The following MTUS1 variants were observed in gnomAD, a reference collection of about 807,000 sequenced individuals.
MTUS1 encodes microtubule associated scaffold protein 1.
MTUS1 carries 109 observed loss-of-function variants against 120.8 expected under a neutral mutation model. The ratio of observed to expected loss-of-function variants is 0.90; its 90% CI spans 0.77 to 1.06. The LOEUF (loss-of-function observed/expected upper bound fraction) is 1.06, where lower values mean the gene tolerates loss of function less well. Ranked by LOEUF, MTUS1 falls within the 50% of genes least tolerant of loss-of-function variation. The pLI, the probability that MTUS1 is intolerant of heterozygous loss-of-function variation, is 0.00. For synonymous variants in MTUS1, 737 were observed against 550.5 expected (o/e 1.34, Z -4.74); for missense variants, 2,210 against 1,486.3 (o/e 1.49, Z -8.01).
intron 6 of MTUS1, among the ~76,000 whole-genome samples, chr8:17,712,450 C>T (rs1393820990): frequency 2.6e-5 from 4 of 152,022 alleles, no homozygotes; most frequent in African/African-American, 9.7e-5. Context: ...AATTATCCTG[C>T]CTCAGCCTCC....
intron 6 of MTUS1, chr8:17,697,635 A>G (rs1818249887): frequency 1.6e-6 from 2 of 1,217,824 alleles, no homozygotes; most frequent in East Asian, 4.0e-5. Context: ...TCCCTCCTGC[A>G]GGTCTAGAAG....
At chr8:17,785,894 C>T (rs915100512) in intron 1 of MTUS1, among the ~76,000 whole-genome samples, 2 of 152,196 alleles carry the variant, frequency 1.3e-5, no homozygotes, top group African/African-American at 4.8e-5. Flanking sequence ...CCTGTAATCA[C>T]GGCACTTTGG....
At chr8:17,801,421 G>T (rs992009583), upstream of MTUS1, 3 of 151,906 alleles carry the variant, frequency 2.0e-5, no homozygotes, top group Non-Finnish European at 4.4e-5. Context: ...CGTCCCAGGG[G>T]ACGGCCCTCG....
At chr8:17,767,516 G>C (rs1330322378) in intron 1 of MTUS1, among the ~76,000 whole-genome samples, 1 of 145,242 alleles carries the variant, frequency 6.9e-6, no homozygotes, top group Non-Finnish European at 1.5e-5. Context: ...GGGCAACACA[G>C]CAAAACCCCA....
At chr8:17,670,107 G>C (rs1283726515) in intron 8 of MTUS1, among the ~76,000 whole-genome samples, 2 of 152,222 alleles carry the variant, frequency 1.3e-5, no homozygotes, top group South Asian at 4.1e-4. Flanking sequence ...TATGATTTCA[G>C]TTGTTAGCTT....
At chr8:17,786,641 T>C (rs1009854888) in intron 1 of MTUS1, among the ~76,000 whole-genome samples, 2 of 152,198 alleles carry the variant, frequency 1.3e-5, no homozygotes, top group African/African-American at 4.8e-5. Context: ...AGTTGGGTTA[T>C]AAAGAAATAA....
intron 8 of MTUS1, among the ~76,000 whole-genome samples, chr8:17,661,569 G>C (rs1185401015): frequency 2.0e-5 from 3 of 151,952 alleles, no homozygotes; most frequent in African/African-American, 4.8e-5. Flanking sequence ...TGGCACATCA[G>C]CCTTTAAAAC....
At chr8:17,648,387 G>A (rs993168774) in intron 13 of MTUS1, among the ~76,000 whole-genome samples, 2 of 152,164 alleles carry the variant, frequency 1.3e-5, no homozygotes, top group African/African-American at 4.8e-5. Flanking sequence ...AAATGTGTTG[G>A]TAAGTTTACA....
chr8:17,657,028 C>A (rs1808435330), intron 8 of MTUS1, among the ~76,000 whole-genome samples: 1 of 129,140 alleles, frequency 7.7e-6, no homozygotes, highest in Admixed American at 9.2e-5. Flanking sequence ...CACTGCACTC[C>A]AGCCTGGGCG....
At chr8:17,658,788 G>A (rs957354453) in intron 8 of MTUS1, among the ~76,000 whole-genome samples, 1 of 152,114 alleles carries the variant, frequency 6.6e-6, no homozygotes. Context: ...GTGTCAACTT[G>A]TTATCTCAGG....
intron 8 of MTUS1, among the ~76,000 whole-genome samples, chr8:17,666,765 CT>C (rs1317576615): frequency 6.6e-6 from 1 of 152,204 alleles, no homozygotes; most frequent in Non-Finnish European, 1.5e-5. Context: ...AACACAACAT[CT>C]TTTTAGAAGT....
At chr8:17,793,425 A>C (rs1388979734) in intron 1 of MTUS1, among the ~76,000 whole-genome samples, 2 of 152,164 alleles carry the variant, frequency 1.3e-5, no homozygotes, top group African/African-American at 4.8e-5. Context: ...GGCACAGAAA[A>C]GCAATAAGGA....
chr8:17,682,338 A>T (rs1182602126), intron 7 of MTUS1, among the ~76,000 whole-genome samples: 1 of 152,106 alleles, frequency 6.6e-6, no homozygotes, highest in Non-Finnish European at 1.5e-5. Context: ...CCACATGGTG[A>T]AACCCTGTCT....
At chr8:17,656,272 A>C (rs557893389) in intron 8 of MTUS1, among the ~76,000 whole-genome samples, 58 of 152,258 alleles carry the variant, frequency 3.8e-4, no homozygotes, top group African/African-American at 1.4e-3. Context: ...TCACACCTGT[A>C]ATCCCAGCAC....
intron 3 of MTUS1, among the ~76,000 whole-genome samples, chr8:17,741,902 G>C (rs1343426594): frequency 2.6e-5 from 4 of 152,170 alleles, no homozygotes; most frequent in African/African-American, 7.2e-5. Flanking sequence ...AGCCCAGGGA[G>C]AGTAAAAGAC....
chr8:17,768,738 A>G (rs2049771498), intron 1 of MTUS1, among the ~76,000 whole-genome samples: 1 of 152,130 alleles, frequency 6.6e-6, no homozygotes. Flanking sequence ...AACAAAAACA[A>G]AAAACCATTA....
chr8:17,658,024 G>GACACACACACAC (rs58132896), intron 8 of MTUS1, among the ~76,000 whole-genome samples: 26,508 of 140,184 alleles, frequency 0.19, 2,833 homozygotes, highest in Non-Finnish European at 0.23. Context: ...TATATATATA[G>GACACACACACAC]ACACACACAC....
chr8:17,705,061 G>A (rs901251669), intron 6 of MTUS1, among the ~76,000 whole-genome samples: 8 of 152,124 alleles, frequency 5.3e-5, no homozygotes, highest in Non-Finnish European at 1.0e-4. Flanking sequence ...TCAGCTCACT[G>A]CAACCTCTGC....
intron 6 of MTUS1, among the ~76,000 whole-genome samples, chr8:17,692,912 G>C (rs75197919): frequency 0.017 from 2,562 of 152,190 alleles, 72 homozygotes; most frequent in African/African-American, 0.058. Flanking sequence ...TACTACCTCT[G>C]CCATCCCTCG....
Sources: allele counts gnomAD v4.1 joint callset (sites outside exome capture counted in the v4.1 genomes callset), GRCh38; gene constraint gnomAD v4.1.1; transcripts MANE v1.5; gene names NCBI Gene and HGNC (gene_info 2026-07-23, HGNC 2026-07-21).